The following WDR72 variants were observed in gnomAD, a reference collection of about 807,000 sequenced individuals.
WDR72 encodes WD repeat-containing protein 72.
Under a neutral mutation model 124.2 loss-of-function variants are expected in WDR72, and 120 were observed. The observed-to-expected ratio is 0.97, with a 90% CI of 0.83 to 1.12. The LOEUF (loss-of-function observed/expected upper bound fraction) is 1.12, where lower values mean the gene tolerates loss of function less well. WDR72 is among the 50% of genes most tolerant of loss of function. The pLI, the probability that WDR72 is intolerant of heterozygous loss-of-function variation, is 0.00. For missense variants in WDR72, 1,387 were observed against 1,278.8 expected (o/e 1.08, Z -1.29); for synonymous variants, 452 against 441.7 (o/e 1.02, Z -0.29).
intron 2 of WDR72, among the ~76,000 whole-genome samples, chr15:53,726,832 A>G (rs893814013): frequency 6.6e-6 from 1 of 152,188 alleles, no homozygotes; most frequent in African/African-American, 2.4e-5. Context: ...TGACAGAGTG[A>G]GATCCCATCT....
chr15:53,638,643 A>G (rs1220998966), intron 14 of WDR72, among the ~76,000 whole-genome samples: 1 of 150,712 alleles, frequency 6.6e-6, no homozygotes, highest in African/African-American at 2.5e-5. Flanking sequence ...AAACATACTG[A>G]AAAATCAGAA....
At chr15:53,756,294 T>C (rs1903461) in intron 1 of WDR72, among the ~76,000 whole-genome samples, 75,223 of 152,056 alleles carry the variant, frequency 0.49, 20,226 homozygotes, top group Middle Eastern at 0.66. Flanking sequence ...TGCAACCCTA[T>C]GAAGAGGTGA....
intron 19 of WDR72, 96 bp from the exon 20 acceptor site, chr15:53,517,850 A>C: frequency 1.7e-6 from 2 of 1,151,790 alleles, no homozygotes; most frequent in Non-Finnish European, 2.6e-6. Flanking sequence ...GGAAATGAAG[A>C]ATAGATACAG....
intron 18 of WDR72, among the ~76,000 whole-genome samples, chr15:53,548,644 C>CTTT (rs397947951): frequency 7.4e-6 from 1 of 135,306 alleles, no homozygotes; most frequent in African/African-American, 2.7e-5. Context: ...ATGAACTGTG[C>CTTT]TTTTTTTTTT....
intron 17 of WDR72, among the ~76,000 whole-genome samples, chr15:53,605,338 G>A (rs2013232869): frequency 6.6e-6 from 1 of 152,116 alleles, no homozygotes; most frequent in Non-Finnish European, 1.5e-5. Context: ...GCAACCTACT[G>A]AAGAACAGAA....
At chr15:53,523,072 A>AC in intron 19 of WDR72, 146 bp downstream of exon 19, 2 of 774,090 alleles carry the variant, frequency 2.6e-6, no homozygotes, top group Non-Finnish European at 4.5e-6. Context: ...CCACACTGTG[A>AC]CCCCTGGAGG....
At chr15:53,525,061 A>T (rs1892031331) in intron 18 of WDR72, among the ~76,000 whole-genome samples, 1 of 152,100 alleles carries the variant, frequency 6.6e-6, no homozygotes, top group Admixed American at 6.6e-5. Flanking sequence ...TTAGTTTGTG[A>T]CATGGAAGGA....
At chr15:53,749,044 G>C (rs2018710479) in intron 1 of WDR72, among the ~76,000 whole-genome samples, 1 of 152,188 alleles carries the variant, frequency 6.6e-6, no homozygotes, top group African/African-American at 2.4e-5. Context: ...TGTGATAGGT[G>C]CTATGTTAAT....
At chr15:53,582,160 C>T (rs988164827) in intron 18 of WDR72, among the ~76,000 whole-genome samples, 1 of 151,830 alleles carries the variant, frequency 6.6e-6, no homozygotes, top group Non-Finnish European at 1.5e-5. Flanking sequence ...TTTGTAGTAC[C>T]TTTTATACTT....
chr15:53,758,154 C>T (rs569945799), intron 1 of WDR72, among the ~76,000 whole-genome samples: 1 of 152,096 alleles, frequency 6.6e-6, no homozygotes, highest in Non-Finnish European at 1.5e-5. Context: ...TATGGACTGA[C>T]GCACACCACC....
intron 13 of WDR72, among the ~76,000 whole-genome samples, chr15:53,696,777 T>A (rs1270373258): frequency 6.6e-6 from 1 of 152,118 alleles, no homozygotes; most frequent in African/African-American, 2.4e-5. Context: ...AAAATTAAAA[T>A]TGCACAGATT....
At chr15:53,715,073 T>TA in intron 5 of WDR72, 120 bp downstream of exon 5, 1 of 1,099,788 alleles carries the variant, frequency 9.1e-7, no homozygotes, top group Non-Finnish European at 1.3e-6. Flanking sequence ...ATATCCTCAT[T>TA]AACAGGTAAG....
intron 13 of WDR72, among the ~76,000 whole-genome samples, chr15:53,682,147 C>G (rs1343126068): frequency 1.3e-5 from 2 of 152,180 alleles, no homozygotes; most frequent in African/African-American, 2.4e-5. Flanking sequence ...ACAATGCACA[C>G]CAGAAACCAC....
chr15:53,665,888 T>C, intron 13 of WDR72, 120 bp from the exon 14 acceptor site: 1 of 964,302 alleles, frequency 1.0e-6, no homozygotes, highest in South Asian at 1.4e-5. Flanking sequence ...CCTTAGTATC[T>C]TGCAACTGAA....
chr15:53,630,566 C>T (rs923400269), intron 14 of WDR72, among the ~76,000 whole-genome samples: 4 of 152,088 alleles, frequency 2.6e-5, no homozygotes, highest in African/African-American at 7.2e-5. Flanking sequence ...ACACAAAAAT[C>T]CATTAACATA....
intron 14 of WDR72, among the ~76,000 whole-genome samples, chr15:53,630,128 T>A (rs1204704405): frequency 1.3e-5 from 2 of 152,050 alleles, no homozygotes; most frequent in Admixed American, 6.6e-5. Context: ...GACAAATTTT[T>A]AAAAAGACAT....
intron 14 of WDR72, among the ~76,000 whole-genome samples, chr15:53,635,574 G>A (rs951274295): frequency 5.9e-5 from 9 of 152,078 alleles, no homozygotes; most frequent in African/African-American, 2.2e-4. Flanking sequence ...TTATCTTAAG[G>A]AAATTAAAGC....
At chr15:53,661,504 T>C (rs942678456) in intron 14 of WDR72, among the ~76,000 whole-genome samples, 21 of 152,144 alleles carry the variant, frequency 1.4e-4, no homozygotes, top group African/African-American at 5.1e-4. Context: ...GACCTCTCCT[T>C]AGGTCCCTTC....
intron 18 of WDR72, among the ~76,000 whole-genome samples, chr15:53,537,070 A>T (rs1351798028): frequency 6.6e-6 from 1 of 152,178 alleles, no homozygotes; most frequent in Non-Finnish European, 1.5e-5. Flanking sequence ...CAGCTCCTTA[A>T]TCTCACATTA....
Sources: gnomAD v4.1 joint callset for allele counts (sites outside exome capture counted in the v4.1 genomes callset) on GRCh38, gnomAD v4.1.1 for gene constraint, MANE v1.5 for transcripts, NCBI Gene and HGNC (gene_info 2026-07-23, HGNC 2026-07-21) for gene names.